CCNB3: variants seen among roughly 807,000 people sequenced by gnomAD.
The protein encoded by CCNB3 is cyclin B3.
Under a neutral mutation model 68.0 loss-of-function variants are expected in CCNB3, and 12 were observed. The ratio of observed to expected loss-of-function variants is 0.18; its 90% CI spans 0.11 to 0.29. The LOEUF is 0.29. Ranked by LOEUF, CCNB3 falls within the 10% of genes least tolerant of loss-of-function variation. The probability of loss-of-function intolerance (pLI) is 1.00; values close to 1 mark genes in which losing one functional copy is unlikely to be tolerated. For missense variants in CCNB3, 904 were observed against 993.1 expected (o/e 0.91, Z 1.21); for synonymous variants, 354 against 388.9 (o/e 0.91, Z 1.06).
chrX:50,312,452 A>G lies in CCNB3; in HGVS notation c.3328-85A>G, dbSNP rs1197137860. 3.9e-5 allele frequency: 29 copies of G among 751,176 alleles called. No homozygotes were observed. The Admixed American group carries it at 4.4e-4, about 11-fold the overall frequency. 61.9% of individuals were successfully genotyped at this position (751,176 alleles called of 1,213,427 possible). A position where few individuals can be genotyped will look rare whatever the true frequency, so the allele number is the denominator to read the frequency against. Reference sequence around the variant, plus strand: ...ACCTTAGCAGAAGAAGACAGTGGGGAGAAAGGAGTAATCATTGATATGTAT... The same window carrying G: ...ACCTTAGCAGAAGAAGACAGTGGGGGGAAAGGAGTAATCATTGATATGTAT... On this transcript the variant is annotated intron_variant, in intron 6 of 12. Transcript: ENST00000376042.
At chrX:50,223,866 A>G (rs1238362408) in intron 1 of CCNB3, among the ~76,000 whole-genome samples, 3 of 112,009 alleles carry the variant, frequency 2.7e-5, no homozygotes, top group Non-Finnish European at 5.6e-5. Context: ...CTGTGCCCAC[A>G]GCTGCCATTT....
At chrX:50,206,143 T>G (rs782695593) in intron 1 of CCNB3, among the ~76,000 whole-genome samples, 25 of 110,200 alleles carry the variant, frequency 2.3e-4, no homozygotes, top group Non-Finnish European at 4.5e-4. Flanking sequence ...CTTGGGAGGC[T>G]GAGGCAGGAA....
chrX:50,347,782 A>G lies in CCNB3; in HGVS notation c.3960+7A>G. 2 of 1,207,110 alleles carry G rather than the reference A, an allele frequency of 1.7e-6. No homozygotes were observed. The highest frequency in any genetic ancestry group is 2.2e-6 in the Non-Finnish European group (2 of 893,263). ...GAAGAAGCTCGGATACTGGGTAAAC[A>G]CTTGCGAGATAGGGGTATAGGGGTA... On this transcript the variant is annotated splice_region_variant and intron_variant, in intron 11 of 12. Coordinates refer to ENST00000376042, the MANE Select transcript of CCNB3 (RefSeq NM_033031.3).
intron 1 of CCNB3, among the ~76,000 whole-genome samples, chrX:50,221,744 C>T (rs1226080419): frequency 9.0e-6 from 1 of 111,475 alleles, no homozygotes; most frequent in Non-Finnish European, 1.9e-5. Context: ...AATGTATATT[C>T]TGTTGATTTG....
intron 7 of CCNB3, among the ~76,000 whole-genome samples, chrX:50,313,164 T>G (rs1360422292): frequency 2.7e-5 from 3 of 111,177 alleles, no homozygotes; most frequent in African/African-American, 9.8e-5. Context: ...ATTCATCAAT[T>G]CCAAAGTTTC....
At chrX:50,313,999 AG>A in intron 8 of CCNB3, 51 bp downstream of exon 8, 1 of 940,701 alleles carries the variant, frequency 1.1e-6, no homozygotes, top group Non-Finnish European at 1.5e-6. Context: ...TTTCTCATTC[AG>A]GGCTGCCAGG....
chrX:50,226,314 A>T (rs1193609957), intron 1 of CCNB3, among the ~76,000 whole-genome samples: 1 of 49,332 alleles, frequency 2.0e-5, no homozygotes, highest in Non-Finnish European at 3.5e-5. Context: ...AGAAATATAT[A>T]AACATATATA....
chrX:50,318,368 C>T (rs2147072539), intron 8 of CCNB3, among the ~76,000 whole-genome samples: 1 of 110,405 alleles, frequency 9.1e-6, no homozygotes, highest in Non-Finnish European at 1.9e-5. Context: ...CAAAAATTAG[C>T]CGGGCATGGT....
intron 11 of CCNB3, 39 bp downstream of exon 11, chrX:50,347,814 T>C: frequency 8.5e-7 from 1 of 1,170,086 alleles, no homozygotes; most frequent in East Asian, 3.0e-5. Context: ...GGTAGAGATT[T>C]AAAAAGCAGA....
intron 4 of CCNB3, among the ~76,000 whole-genome samples, chrX:50,289,774 A>C (rs1557209871): frequency 1.8e-5 from 2 of 111,811 alleles, no homozygotes; most frequent in Non-Finnish European, 3.8e-5. Context: ...CTTGCCCTGC[A>C]TTATGTAGTA....
intron 1 of CCNB3, among the ~76,000 whole-genome samples, chrX:50,208,234 T>C (rs782588561): frequency 7.2e-5 from 8 of 111,847 alleles, no homozygotes; most frequent in Non-Finnish European, 1.5e-4. Context: ...TAAGGCAAAG[T>C]GAGCTCATAT....
chrX:50,279,342 T>G (rs1486970010), intron 1 of CCNB3, among the ~76,000 whole-genome samples: 3 of 75,483 alleles, frequency 4.0e-5, no homozygotes, highest in African/African-American at 1.1e-4. Context: ...TATGAATATA[T>G]ATATGAATAT....
intron 1 of CCNB3, among the ~76,000 whole-genome samples, chrX:50,214,508 A>T (rs1265425282): frequency 2.2e-4 from 15 of 68,745 alleles, no homozygotes; most frequent in Non-Finnish European, 3.7e-4. Flanking sequence ...ATATATATAT[A>T]TTTTAGCTGT....
chrX:50,227,404 A>G (rs1461409039), intron 1 of CCNB3, among the ~76,000 whole-genome samples: 4 of 88,406 alleles, frequency 4.5e-5, no homozygotes, highest in Non-Finnish European at 4.2e-5. Flanking sequence ...ATATAAAAAT[A>G]TATACAGAGA....
chrX:50,310,207 G>A lies in CCNB3; in HGVS notation c.2038G>A (p.Val680Ile), dbSNP rs782652552. 41 of 1,209,281 alleles carry A rather than the reference G, an allele frequency of 3.4e-5. No individual in the cohort carries two copies. In the South Asian group the frequency reaches 7.1e-4, roughly 21 times the overall value. ...CTCTCAGGAACTATTTTCATTGCAT[G>A]TTAAGCATACCAACAAAAGTGGGTC... ...EFSQELFSLH[V>I]KHTNKSGSLF... Residue 680 changes from valine (V) to isoleucine (I), a missense_variant, in exon 6 of 13, where the codon GTT (valine) becomes ATT (isoleucine). This residue lies in a region of CCNB3 where 619 missense variants were observed against 609.8 expected (regional missense o/e 1.02). Transcript: ENST00000376042.
At chrX:50,283,843 A>G (rs952995362) in intron 1 of CCNB3, among the ~76,000 whole-genome samples, 1 of 109,591 alleles carries the variant, frequency 9.1e-6, no homozygotes, top group African/African-American at 3.3e-5. Context: ...CCCTGTCCCC[A>G]ACAAGATTAC....
chrX:50,209,029 G>A (rs1557205961), intron 1 of CCNB3, among the ~76,000 whole-genome samples: 1 of 111,485 alleles, frequency 9.0e-6, no homozygotes, highest in Non-Finnish European at 1.9e-5. Context: ...GTGTAGAGTC[G>A]TTCATTGTAT....
At chrX:50,346,890 G>T in intron 10 of CCNB3, 83 bp downstream of exon 10, 1 of 957,488 alleles carries the variant, frequency 1.0e-6, no homozygotes, top group South Asian at 2.6e-5. Context: ...TGAGTGGTAG[G>T]AAAGGGGAAA....
chrX:50,279,198 T>G (rs1176128489), intron 1 of CCNB3, among the ~76,000 whole-genome samples: 1 of 3,940 alleles, frequency 2.5e-4, no homozygotes, highest in East Asian at 0.013. Flanking sequence ...TCTCTATATA[T>G]AAATATATAG....
Sources: gnomAD v4.1 joint callset for allele counts (sites outside exome capture counted in the v4.1 genomes callset) on GRCh38, gnomAD v4.1.1 for gene constraint, gnomAD v4.1.1 regional missense constraint, MANE v1.5 for transcripts, NCBI Gene and HGNC (gene_info 2026-07-23, HGNC 2026-07-21) for gene names.